The following CYB5A variants were observed in gnomAD, a reference collection of about 807,000 sequenced individuals.
CYB5A encodes the protein cytochrome b5 type A.
A neutral mutation model predicts 16.2 loss-of-function variants in CYB5A; 10 were observed. The observed-to-expected ratio is 0.62, with a 90% CI of 0.38 to 1.04. The LOEUF (loss-of-function observed/expected upper bound fraction) is 1.04. Ranked by LOEUF, CYB5A falls within the 50% of genes least tolerant of loss-of-function variation. CYB5A has a pLI of 0.01. For missense variants in CYB5A, 161 were observed against 165.9 expected, an observed-to-expected ratio of 0.97 and a Z score of 0.16; for synonymous variants, 62 against 57.0, an observed-to-expected ratio of 1.09 and a Z score of -0.40.
intron 1 of CYB5A, among the ~76,000 whole-genome samples, chr18:74,282,003 T>G (rs1983133044): frequency 6.6e-6 from 1 of 152,026 alleles, no homozygotes; most frequent in Non-Finnish European, 1.5e-5. Context: ...AGGCCCGGGC[T>G]CTGGGCAGGA....
At chr18:74,266,028 T>C (rs1053161717) in intron 1 of CYB5A, among the ~76,000 whole-genome samples, 5 of 152,212 alleles carry the variant, frequency 3.3e-5, no homozygotes, top group Non-Finnish European at 7.3e-5. Flanking sequence ...TGTTACATTG[T>C]ATAGGCATTC....
chr18:74,264,307 G>A (rs962034256), intron 1 of CYB5A, among the ~76,000 whole-genome samples: 2 of 152,220 alleles, frequency 1.3e-5, no homozygotes, highest in Non-Finnish European at 2.9e-5. Flanking sequence ...AAAAGCATGA[G>A]GCTCGTGTCC....
At position 74,253,478 on chromosome 18, in the gene CYB5A, T is replaced by A; in HGVS notation, c.*106A>T. On this transcript the variant is annotated 3_prime_UTR_variant, in exon 5 of 5. Transcript: ENST00000340533. ...AGAAAAAGAAAGAGATATATTAAAA[T>A]CATTGTTTTCAAGTGAAGGTTTCTG... is the stretch of plus-strand genomic sequence containing the variant. 2.8e-6 allele frequency: 2 copies of A among 712,084 alleles called. No individual in the cohort carries two copies. The highest frequency in any genetic ancestry group is 2.8e-5 in the East Asian group (1 of 36,054). The allele number at this position is 712,084 out of a possible 1,614,324, so 44.1% of individuals were successfully genotyped here.
At chr18:74,254,850 C>A (rs886194589) in intron 4 of CYB5A, among the ~76,000 whole-genome samples, 5 of 152,114 alleles carry the variant, frequency 3.3e-5, no homozygotes, top group African/African-American at 1.2e-4. Flanking sequence ...AGATTTGAAT[C>A]TTTAGATTTT....
intron 1 of CYB5A, among the ~76,000 whole-genome samples, chr18:74,283,321 C>T (rs1363330904): frequency 6.6e-6 from 1 of 152,178 alleles, no homozygotes; most frequent in Admixed American, 6.5e-5. Context: ...TGCCTCCTCA[C>T]ACATACCCAC....
At chr18:74,269,567 C>T (rs1038072239) in intron 1 of CYB5A, among the ~76,000 whole-genome samples, 1 of 152,186 alleles carries the variant, frequency 6.6e-6, no homozygotes, top group Admixed American at 6.5e-5. Context: ...CGTAACAGGA[C>T]CAAATGGCAT....
At chr18:74,258,244 A>G (rs923094651) in intron 3 of CYB5A, 7 of 152,190 alleles carry the variant, frequency 4.6e-5, no homozygotes, top group African/African-American at 1.7e-4. Context: ...CCCAGCTGCA[A>G]TGTACCTACC....
intron 1 of CYB5A, among the ~76,000 whole-genome samples, chr18:74,281,086 AAGTT>A (rs1029469562): frequency 5.3e-5 from 8 of 152,016 alleles, no homozygotes; most frequent in Non-Finnish European, 1.0e-4. Context: ...GACATTATGA[AAGTT>A]AGGCCCACAG....
chr18:74,266,102 G>A (rs1300028398), intron 1 of CYB5A, among the ~76,000 whole-genome samples: 3 of 152,146 alleles, frequency 2.0e-5, no homozygotes, highest in African/African-American at 4.8e-5. Context: ...CCTTAAACAG[G>A]CATGGGAATG....
intron 2 of CYB5A, 73 bp downstream of exon 2, chr18:74,263,276 A>G: frequency 6.3e-7 from 1 of 1,596,804 alleles, no homozygotes; most frequent in Non-Finnish European, 8.6e-7. Flanking sequence ...TATACATGCA[A>G]GCTTACAGAC....
At chr18:74,289,131 G>A (rs527244822) in intron 1 of CYB5A, among the ~76,000 whole-genome samples, 1 of 152,260 alleles carries the variant, frequency 6.6e-6, no homozygotes, top group East Asian at 1.9e-4. Context: ...CCAGGGGTCA[G>A]CCACCCTCTT....
chr18:74,283,520 T>A (rs1215118677), intron 1 of CYB5A, among the ~76,000 whole-genome samples: 4 of 152,208 alleles, frequency 2.6e-5, no homozygotes, highest in Non-Finnish European at 5.9e-5. Flanking sequence ...GGCAACATAG[T>A]AAACTGACAA....
intron 1 of CYB5A, among the ~76,000 whole-genome samples, chr18:74,266,308 A>C (rs2145053122): frequency 6.6e-6 from 1 of 152,342 alleles, no homozygotes; most frequent in Non-Finnish European, 1.5e-5. Flanking sequence ...GCCAGGACCC[A>C]CAACTATGTA....
chr18:74,287,841 A>C (rs189378256), intron 1 of CYB5A, among the ~76,000 whole-genome samples: 3 of 152,346 alleles, frequency 2.0e-5, no homozygotes, highest in Admixed American at 2.0e-4. Flanking sequence ...TTAAAAACTG[A>C]ATAGATGCTG....
chr18:74,270,940 T>C (rs1294754950), intron 1 of CYB5A, among the ~76,000 whole-genome samples: 1 of 152,194 alleles, frequency 6.6e-6, no homozygotes, highest in Non-Finnish European at 1.5e-5. Context: ...TAAGTATTCA[T>C]TAGATAAATA....
intron 1 of CYB5A, among the ~76,000 whole-genome samples, chr18:74,267,286 A>G (rs1350801851): frequency 6.6e-6 from 1 of 152,060 alleles, no homozygotes; most frequent in African/African-American, 2.4e-5. Flanking sequence ...CCTCTGGAGT[A>G]GCTGGGACTA....
chr18:74,260,882 A>G, intron 3 of CYB5A, 33 bp downstream of exon 3: 1 of 1,593,346 alleles, frequency 6.3e-7, no homozygotes, highest in Non-Finnish European at 8.6e-7. Context: ...TACAACGAGA[A>G]CATCCAGAGA....
intron 1 of CYB5A, among the ~76,000 whole-genome samples, chr18:74,269,303 C>T (rs573241972): frequency 8.6e-4 from 104 of 120,290 alleles, no homozygotes; most frequent in South Asian, 2.9e-3. Flanking sequence ...GAACAGGCTG[C>T]GCTTGTGTTC....
rs1442522207 is a variant in CYB5A at position 74,291,902 on chromosome 18, C to T, written c.-27G>A. 19 of 1,608,558 alleles carry T rather than the reference C, an allele frequency of 1.2e-5. No homozygotes were observed. The highest frequency in any genetic ancestry group is 1.5e-5 in the Non-Finnish European group (18 of 1,179,774). On this transcript the variant is annotated 5_prime_UTR_variant, in exon 1 of 5. Coordinates refer to ENST00000340533, the MANE Select transcript of CYB5A (RefSeq NM_148923.4). ...TCGGTTCGCCGCGAGCCAGGCCCAGCACACACAGCCCCGTCGGGTGGAGCA... is the reference window on the plus strand; with the variant it reads ...TCGGTTCGCCGCGAGCCAGGCCCAGTACACACAGCCCCGTCGGGTGGAGCA...
Sources: allele counts gnomAD v4.1 joint callset (sites outside exome capture counted in the v4.1 genomes callset), GRCh38; gene constraint gnomAD v4.1.1; transcripts MANE v1.5; gene names NCBI Gene and HGNC (gene_info 2026-07-23, HGNC 2026-07-21).